The following ARSJ variants were observed in gnomAD, a reference collection of about 807,000 sequenced individuals.
ARSJ encodes the protein arylsulfatase family member J, also known as arylsulfatase J.
In ARSJ, 26 loss-of-function variants were observed where a neutral mutation model predicts 35.9. That is an observed-to-expected ratio of 0.72 (90% confidence interval 0.53 to 1.00). The LOEUF (loss-of-function observed/expected upper bound fraction) is 1.00, where lower values mean the gene tolerates loss of function less well. ARSJ is among the 50% of genes least tolerant of loss of function. The probability of loss-of-function intolerance (pLI) is 0.00; values close to 1 mark genes in which losing one functional copy is unlikely to be tolerated. For synonymous variants in ARSJ, 294 were observed against 267.6 expected, an observed-to-expected ratio of 1.10 and a Z score of -0.96; for missense variants, 667 against 723.6, an observed-to-expected ratio of 0.92 and a Z score of 0.90.
chr4:113,976,976 T>C (rs1053730440), intron 1 of ARSJ, among the ~76,000 whole-genome samples: 3 of 152,234 alleles, frequency 2.0e-5, no homozygotes, highest in African/African-American at 4.8e-5. Flanking sequence ...GAACATATGC[T>C]TTATTGTGAA....
At chr4:113,957,097 T>C (rs1726229702) in intron 1 of ARSJ, among the ~76,000 whole-genome samples, 1 of 152,016 alleles carries the variant, frequency 6.6e-6, no homozygotes. Context: ...TCAATGCCGT[T>C]AATAATTGTA....
chr4:113,972,120 A>G (rs1207508162), intron 1 of ARSJ, among the ~76,000 whole-genome samples: 1 of 152,058 alleles, frequency 6.6e-6, no homozygotes, highest in East Asian at 1.9e-4. Flanking sequence ...ACTACCATCC[A>G]CAGAGGAGGC....
chr4:113,953,190 A>AATACCG (rs1311242147), intron 1 of ARSJ, among the ~76,000 whole-genome samples: 10 of 152,090 alleles, frequency 6.6e-5, no homozygotes, highest in African/African-American at 2.4e-4. Context: ...AAGACTGGAC[A>AATACCG]ATACCGTATT....
At chr4:113,938,231 C>T (rs886377268) in intron 1 of ARSJ, among the ~76,000 whole-genome samples, 1 of 152,016 alleles carries the variant, frequency 6.6e-6, no homozygotes, top group African/African-American at 2.4e-5. Flanking sequence ...AGAAATAAGA[C>T]CACACATCTA....
chr4:113,935,620 A>C, intron 1 of ARSJ, among the ~76,000 whole-genome samples: 1 of 151,926 alleles, frequency 6.6e-6, no homozygotes, highest in East Asian at 1.9e-4. Flanking sequence ...ATGCATTCTG[A>C]AATAAAGTTA....
At chr4:113,924,844 G>A (rs1403390244) in intron 1 of ARSJ, among the ~76,000 whole-genome samples, 4 of 152,136 alleles carry the variant, frequency 2.6e-5, no homozygotes, top group East Asian at 1.9e-4. Context: ...TGGTCACATG[G>A]TCGTAGCTGG....
chr4:113,907,322 A>G (rs2099669055), intron 1 of ARSJ, among the ~76,000 whole-genome samples: 1 of 152,356 alleles, frequency 6.6e-6, no homozygotes, highest in African/African-American at 2.4e-5. Context: ...CAAAGTCAAA[A>G]AAGAAAAGTC....
intron 1 of ARSJ, among the ~76,000 whole-genome samples, chr4:113,914,850 T>A (rs1162472619): frequency 6.6e-6 from 1 of 152,222 alleles, no homozygotes; most frequent in African/African-American, 2.4e-5. Flanking sequence ...TAGAGAATAA[T>A]TTTTATGATT....
chr4:113,953,456 AT>A (rs1421438521), intron 1 of ARSJ, among the ~76,000 whole-genome samples: 1 of 152,126 alleles, frequency 6.6e-6, no homozygotes, highest in Non-Finnish European at 1.5e-5. Flanking sequence ...AGGCAAATGA[AT>A]ACTTTGTAAA....
At chr4:113,904,693 A>G (rs1014561761) in intron 1 of ARSJ, among the ~76,000 whole-genome samples, 3 of 152,036 alleles carry the variant, frequency 2.0e-5, no homozygotes, top group African/African-American at 4.8e-5. Context: ...GTTTCACCGT[A>G]GCAGCCAGGA....
At chr4:113,924,898 T>C (rs1723954567) in intron 1 of ARSJ, among the ~76,000 whole-genome samples, 2 of 152,160 alleles carry the variant, frequency 1.3e-5, no homozygotes, top group Non-Finnish European at 2.9e-5. Flanking sequence ...GTATTACCTT[T>C]GCCCTCTGCA....
intron 1 of ARSJ, among the ~76,000 whole-genome samples, chr4:113,905,182 A>G (rs1299642790): frequency 6.6e-6 from 1 of 152,240 alleles, no homozygotes; most frequent in Admixed American, 6.5e-5. Context: ...TTCTATAGTT[A>G]TAAGTTGAAA....
intron 1 of ARSJ, among the ~76,000 whole-genome samples, chr4:113,909,831 C>T (rs6822640): frequency 0.091 from 13,915 of 152,168 alleles, 730 homozygotes; most frequent in African/African-American, 0.14. Context: ...TCAAAGACTA[C>T]TGCTCAATGT....
At chr4:113,930,430 C>T (rs551047957) in intron 1 of ARSJ, among the ~76,000 whole-genome samples, 21 of 152,130 alleles carry the variant, frequency 1.4e-4, no homozygotes, top group Non-Finnish European at 1.5e-4. Context: ...GTGGGTTGGA[C>T]GACTCAAATA....
chr4:113,956,570 A>G (rs1258055893), intron 1 of ARSJ, among the ~76,000 whole-genome samples: 2 of 152,114 alleles, frequency 1.3e-5, no homozygotes, highest in East Asian at 3.9e-4. Flanking sequence ...AGCAATGAAT[A>G]AAATGTTTGA....
At position 113,978,449 on chromosome 4, in the gene ARSJ, A is replaced by C. The variant is rs1479795339; in HGVS notation, c.386T>G (p.Phe129Cys). ...QPICTPSRSQ[F>C]ITGKYQIHTG... is the part of the protein sequence containing the mutation. ...TAGGAACACTTACTTTCCAGTAATA[A>C]ACTGACTCCTGGATGGTGTGCAAAT... Residue 129 changes from phenylalanine to cysteine, a missense_variant, in exon 1 of 2, where the codon TTT becomes TGT. Physicochemically the swap from Phe to Cys is radical, Grantham distance 205. Coordinates refer to ENST00000315366, the MANE Select transcript of ARSJ (RefSeq NM_024590.4). 5 of 1,600,094 alleles carry C rather than the reference A, an allele frequency of 3.1e-6. 1 individual carries two copies. Among genetic ancestry groups the C allele is most frequent in the Non-Finnish European group, 4.3e-6 (5 of 1,173,806 alleles).
chr4:113,915,191 T>C (rs893756890), intron 1 of ARSJ, among the ~76,000 whole-genome samples: 2 of 152,188 alleles, frequency 1.3e-5, no homozygotes, highest in African/African-American at 2.4e-5. Flanking sequence ...ACTTGTAATC[T>C]ATCTGTGACT....
In ARSJ at chr4:113,903,302, G is replaced by C. The variant is rs1348621977; in HGVS notation, c.772C>G (p.Pro258Ala). 1 of 1,614,112 alleles carries C rather than the reference G, an allele frequency of 6.2e-7. No homozygotes were observed. Among genetic ancestry groups the C allele is most frequent in the Non-Finnish European group, 8.5e-7 (1 of 1,180,026 alleles). ...TGATAGGCAATATATAAAAATATAGGCTTTGTGGGGTTATGGGAAGCTAAG... is the reference window on the plus strand; with the variant it reads ...TGATAGGCAATATATAAAAATATAGCCTTTGTGGGGTTATGGGAAGCTAAG... ...QILASHNPTK[P>A]IFLYIAYQAV... Residue 258 changes from proline to alanine, a missense_variant, in exon 2 of 2, where the codon CCT becomes GCT. Transcript: ENST00000315366.
chr4:113,964,453 A>C (rs1726761664), intron 1 of ARSJ, among the ~76,000 whole-genome samples: 1 of 152,116 alleles, frequency 6.6e-6, no homozygotes, highest in Non-Finnish European at 1.5e-5. Flanking sequence ...TAAGCCTAAA[A>C]TAAGAATATA....
Sources: allele counts gnomAD v4.1 joint callset (sites outside exome capture counted in the v4.1 genomes callset), GRCh38; gene constraint gnomAD v4.1.1; transcripts MANE v1.5; gene names NCBI Gene and HGNC (gene_info 2026-07-23, HGNC 2026-07-21).